Variants in ZNF516 observed in about 807,000 individuals in gnomAD.
ZNF516 encodes the protein zinc finger protein 516.
ZNF516 carries 19 observed loss-of-function variants against 79.7 expected under a neutral mutation model. The observed-to-expected ratio is 0.24, with a 90% CI of 0.17 to 0.35. ZNF516 has a LOEUF of 0.35. Among genes scored for constraint, ZNF516 ranks in the 10% least tolerant of loss-of-function variants. The pLI is 1.00. For missense variants in ZNF516, 1,678 were observed against 1,679.5 expected (o/e 1.00, Z 0.02); for synonymous variants, 877 against 739.5 (o/e 1.19, Z -3.02).
intron 3 of ZNF516, among the ~76,000 whole-genome samples, chr18:76,402,442 C>G (rs1463353476): frequency 6.6e-6 from 1 of 152,100 alleles, no homozygotes; most frequent in Non-Finnish European, 1.5e-5. Flanking sequence ...CGTCCCACAG[C>G]TGAGAACCCG....
At chr18:76,382,696 G>A (rs2074912988) in intron 3 of ZNF516, among the ~76,000 whole-genome samples, 1 of 152,104 alleles carries the variant, frequency 6.6e-6, no homozygotes, top group African/African-American at 2.4e-5. Context: ...AGATCACTTG[G>A]GGCCAGGAGT....
chr18:76,490,350 C>T (rs1287093584), intron 1 of ZNF516: 1 of 217,886 alleles, frequency 4.6e-6, no homozygotes, highest in African/African-American at 2.4e-5. Context: ...TTAATTCTGG[C>T]TGGTCTGTGT....
intron 2 of ZNF516, among the ~76,000 whole-genome samples, chr18:76,444,555 G>C (rs895516231): frequency 3.9e-5 from 6 of 152,230 alleles, no homozygotes; most frequent in Admixed American, 3.3e-4. Flanking sequence ...CAGCTTCCAT[G>C]AAAGATGACA....
rs539724418 is a variant in ZNF516 at position 76,480,159 on chromosome 18, TAAA to T, written c.-272+14982_-272+14984del. Among the ~76,000 whole-genome samples, 589 of 109,164 alleles carry T rather than the reference TAAA, an allele frequency of 5.4e-3. 3 individuals carry two copies. Among genetic ancestry groups the T allele is most frequent in the African/African-American group, 0.018 (525 of 29,160 alleles). 71.6% of individuals were successfully genotyped at this position (109,164 alleles called of 152,430 possible). ...CACATGGGGCACTGAAGATTTTGTG[TAAA>T]AAAAAAAAAAAAAAAAAAAAGAACA... On this transcript the variant is annotated intron_variant, in intron 1 of 6. Coordinates refer to ENST00000443185, the MANE Select transcript of ZNF516 (RefSeq NM_014643.4).
intron 3 of ZNF516, among the ~76,000 whole-genome samples, chr18:76,424,091 G>A (rs1274882303): frequency 5.6e-5 from 6 of 106,552 alleles, no homozygotes; most frequent in East Asian, 3.2e-4. Flanking sequence ...ACATACACAC[G>A]CAGGTGAAAA....
Position 76,379,909 on chromosome 18 carries a change from T to G in ZNF516, c.2205A>C (p.Leu735Phe). 6.2e-7 allele frequency: 1 copy of G among 1,613,982 alleles called. No individual in the cohort carries two copies. Among genetic ancestry groups the G allele is most frequent in the South Asian group, 1.1e-5 (1 of 91,084 alleles). ...ALAPDLMPLD[L>F]SARSTRDDPS... ...GGTCATCCCGCGTCGACCTCGCACT[T>G]AAATCTAGCGGCATGAGGTCTGGGG... Residue 735 changes from leucine (L) to phenylalanine (F), a missense_variant, in exon 4 of 7, where the codon TTA (leucine) becomes TTC (phenylalanine). Coordinates refer to ENST00000443185, the MANE Select transcript of ZNF516 (RefSeq NM_014643.4).
chr18:76,369,596 T>C (rs997299302), intron 6 of ZNF516, among the ~76,000 whole-genome samples: 3 of 152,132 alleles, frequency 2.0e-5, no homozygotes, highest in Non-Finnish European at 4.4e-5. Context: ...CACTAGATCA[T>C]AGAGTCTTGA....
At chr18:76,468,788 A>G (rs1415842991) in intron 1 of ZNF516, among the ~76,000 whole-genome samples, 1 of 152,134 alleles carries the variant, frequency 6.6e-6, no homozygotes, top group Non-Finnish European at 1.5e-5. Context: ...GGAAGCCAAA[A>G]AATTGACACC....
At chr18:76,424,227 T>C (rs1429996373) in intron 3 of ZNF516, among the ~76,000 whole-genome samples, 2 of 8,782 alleles carry the variant, frequency 2.3e-4, no homozygotes, top group Non-Finnish European at 4.4e-4. Flanking sequence ...GTGAAAAGGT[T>C]CCCCCGAAAC....
chr18:76,496,379 G>C (rs1257602160), upstream of ZNF516: 3 of 1,289,728 alleles, frequency 2.3e-6, no homozygotes, highest in Non-Finnish European at 3.0e-6. Context: ...AATCAGCGCT[G>C]CAATCCTGGC....
chr18:76,415,857 ATGTGTATCTTCGAAAG>A (rs1449676810), intron 3 of ZNF516, among the ~76,000 whole-genome samples: 1 of 152,174 alleles, frequency 6.6e-6, no homozygotes, highest in Non-Finnish European at 1.5e-5. Flanking sequence ...TCCCTTAACA[ATGTGTATCTTCGAAAG>A]TTAGCATCTC....
At chr18:76,434,507 G>A (rs1425873946) in intron 3 of ZNF516, among the ~76,000 whole-genome samples, 6 of 152,190 alleles carry the variant, frequency 3.9e-5, no homozygotes, top group Admixed American at 6.5e-5. Context: ...AGAATATCAC[G>A]AACTTCTCTT....
chr18:76,372,381 T>C (rs985701029), intron 4 of ZNF516, among the ~76,000 whole-genome samples: 7 of 152,176 alleles, frequency 4.6e-5, no homozygotes, highest in African/African-American at 1.7e-4. Context: ...GAAATTTCTC[T>C]GGCTGGGAGA....
chr18:76,421,768 T>C (rs2075511707), intron 3 of ZNF516, among the ~76,000 whole-genome samples: 1 of 152,214 alleles, frequency 6.6e-6, no homozygotes. Context: ...TTTCTTTGAT[T>C]TTACCTACAG....
chr18:76,484,670 T>A (rs779208287), intron 1 of ZNF516, among the ~76,000 whole-genome samples: 47 of 152,218 alleles, frequency 3.1e-4, no homozygotes, highest in Non-Finnish European at 6.0e-4. Flanking sequence ...GCCCCCTTAA[T>A]GTTCACAGCT....
At chr18:76,395,645 C>T (rs1050173662) in intron 3 of ZNF516, among the ~76,000 whole-genome samples, 51 of 151,942 alleles carry the variant, frequency 3.4e-4, no homozygotes, top group African/African-American at 1.2e-3. Context: ...GTGGACATCC[C>T]AGAGCTACAG....
rs1400289106 is a variant in ZNF516 at position 76,463,087 on chromosome 18, T to C, written c.-217A>G. 1 of 152,240 alleles carries C rather than the reference T, an allele frequency of 6.6e-6. No homozygotes were observed. Among genetic ancestry groups the C allele is most frequent in the Non-Finnish European group, 1.5e-5 (1 of 68,030 alleles). The allele number at this position is 152,240 out of a possible 1,614,324, so 9.4% of individuals were successfully genotyped here. ...AACGCTCCCAGTTGGATGCTGGTAC[T>C]CTCAGCTAAAAGTGTTCAGAGAAGG... On this transcript the variant is annotated 5_prime_UTR_variant, in exon 2 of 7. Transcript: ENST00000443185.
intron 3 of ZNF516, among the ~76,000 whole-genome samples, chr18:76,424,442 A>G (rs2075559795): frequency 6.7e-6 from 1 of 148,206 alleles, no homozygotes. Flanking sequence ...ACGCAGGTGA[A>G]AAGGCTCCCT....
chr18:76,417,389 CAA>C (rs1410666357), intron 3 of ZNF516, among the ~76,000 whole-genome samples: 4 of 152,182 alleles, frequency 2.6e-5, no homozygotes, highest in African/African-American at 7.2e-5. Context: ...TTTAAAATCT[CAA>C]AAGTCTTCTG....
Sources: allele counts gnomAD v4.1 joint callset (sites outside exome capture counted in the v4.1 genomes callset), GRCh38; gene constraint gnomAD v4.1.1; transcripts MANE v1.5; gene names NCBI Gene and HGNC (gene_info 2026-07-23, HGNC 2026-07-21).